The following SYNDIG1 variants were observed in gnomAD, a reference collection of about 807,000 sequenced individuals.
SYNDIG1 encodes the protein synapse differentiation-inducing gene protein 1.
SYNDIG1 carries 9 observed loss-of-function variants against 19.4 expected under a neutral mutation model. That is an observed-to-expected ratio of 0.46 (90% CI 0.28 to 0.81). SYNDIG1 has a LOEUF of 0.81. SYNDIG1 is among the 30% of genes least tolerant of loss of function. The probability of loss-of-function intolerance (pLI) is 0.12; values close to 1 mark genes in which losing one functional copy is unlikely to be tolerated. For synonymous variants in SYNDIG1, 141 were observed against 145.9 expected (o/e 0.97, Z 0.24); for missense variants, 311 against 343.3 (o/e 0.91, Z 0.74).
chr20:24,658,917 C>CCATGTAGA lies in SYNDIG1; in HGVS notation c.619-6427_619-6420dup, dbSNP rs1162397910. ...AGTCACATGAGCCATGCCCCAAGTG[C>CCATGTAGA]CATGTAGACGCAGCAAGTGGCACAG... On this transcript the variant is annotated intron_variant, in intron 3 of 3. Coordinates refer to ENST00000376862, the MANE Select transcript of SYNDIG1 (RefSeq NM_024893.3). The surrounding 1 kb of genome is among the most constrained non-coding windows in gnomAD (Gnocchi z 4.4). Among the ~76,000 whole-genome samples, 1 of 152,174 alleles carries CCATGTAGA rather than the reference C, an allele frequency of 6.6e-6. No individual in the cohort carries two copies. The highest frequency in any genetic ancestry group is 2.4e-5 in the African/African-American group (1 of 41,434).
At chr20:24,496,667 A>G (rs1169373093) in intron 1 of SYNDIG1, among the ~76,000 whole-genome samples, 2 of 152,156 alleles carry the variant, frequency 1.3e-5, no homozygotes, top group Non-Finnish European at 2.9e-5. Context: ...TGAGATGATC[A>G]CTTGGGATAA....
At chr20:24,473,303 C>T (rs1324214051) in intron 1 of SYNDIG1, among the ~76,000 whole-genome samples, 4 of 152,156 alleles carry the variant, frequency 2.6e-5, no homozygotes, top group Admixed American at 6.6e-5. Flanking sequence ...GCTCTTGACC[C>T]GGCATCACTA....
intron 2 of SYNDIG1, among the ~76,000 whole-genome samples, chr20:24,575,039 T>C (rs888470480): frequency 6.6e-6 from 1 of 152,254 alleles, no homozygotes; most frequent in Non-Finnish European, 1.5e-5. Flanking sequence ...AAACCCTGGA[T>C]GTGCTTCCCC....
rs539956437 is a variant in SYNDIG1 at position 24,483,123 on chromosome 20, A to G, written c.-79+13370A>G. Among the ~76,000 whole-genome samples, 5 of 152,338 alleles carry G rather than the reference A, an allele frequency of 3.3e-5. No homozygotes were observed. In the East Asian group the frequency reaches 9.7e-4, roughly 29 times the overall value. ...TCACATTCATACCTGATTTGGGGGA[A>G]GTGGAAAGCCTGGAGCCTCCTAGAA... On this transcript the variant is annotated intron_variant, in intron 1 of 3. Coordinates refer to ENST00000376862, the MANE Select transcript of SYNDIG1 (RefSeq NM_024893.3).
At chr20:24,607,042 T>G (rs1298492625) in intron 3 of SYNDIG1, among the ~76,000 whole-genome samples, 1 of 152,210 alleles carries the variant, frequency 6.6e-6, no homozygotes, top group Non-Finnish European at 1.5e-5. Flanking sequence ...TTGCCATTGA[T>G]GACCTGGTGA....
intron 1 of SYNDIG1, among the ~76,000 whole-genome samples, chr20:24,503,509 C>T (rs1259019089): frequency 6.6e-6 from 1 of 152,102 alleles, no homozygotes; most frequent in African/African-American, 2.4e-5. Flanking sequence ...AGGAGAAGCT[C>T]GTCTACTTTT....
At chr20:24,617,118 G>A (rs1192779809) in intron 3 of SYNDIG1, among the ~76,000 whole-genome samples, 6 of 152,102 alleles carry the variant, frequency 3.9e-5, no homozygotes, top group Non-Finnish European at 5.9e-5. Flanking sequence ...AAATTTACCC[G>A]GTGTGATAGG....
At chr20:24,475,695 G>A (rs1202003772) in intron 1 of SYNDIG1, among the ~76,000 whole-genome samples, 6 of 152,304 alleles carry the variant, frequency 3.9e-5, no homozygotes, top group Non-Finnish European at 8.8e-5. Context: ...ACCCTGCACA[G>A]GGCAGTCCCA....
intron 2 of SYNDIG1, among the ~76,000 whole-genome samples, 181 bp from the exon 3 acceptor site, chr20:24,584,675 G>T (rs1432899864): frequency 2.0e-5 from 3 of 152,182 alleles, no homozygotes; most frequent in Admixed American, 6.5e-5. Flanking sequence ...TGGCCTGGCT[G>T]CCCTTCCTGG....
intron 1 of SYNDIG1, among the ~76,000 whole-genome samples, chr20:24,523,820 C>G (rs1036565280): frequency 8.5e-5 from 13 of 152,174 alleles, no homozygotes; most frequent in Non-Finnish European, 1.8e-4. Flanking sequence ...TGTGCATGCG[C>G]GCTGCCGTTC....
chr20:24,603,082 A>G (rs2058702142), intron 3 of SYNDIG1, among the ~76,000 whole-genome samples: 1 of 152,188 alleles, frequency 6.6e-6, no homozygotes, highest in Non-Finnish European at 1.5e-5. Context: ...AATGCTACAA[A>G]GAGCCACTGG....
chr20:24,607,389 A>ATTTCTTTTC (rs1405176458), intron 3 of SYNDIG1, among the ~76,000 whole-genome samples: 416 of 151,990 alleles, frequency 2.7e-3, no homozygotes, highest in South Asian at 6.6e-3. Flanking sequence ...GAATAAAGAA[A>ATTTCTTTTC]AGAAAGAAAA....
chr20:24,595,787 C>T (rs1000044473), intron 3 of SYNDIG1, among the ~76,000 whole-genome samples: 5 of 152,176 alleles, frequency 3.3e-5, no homozygotes, highest in Middle Eastern at 3.4e-3. Flanking sequence ...TAGAAGAGTT[C>T]GTGGTACTCT....
rs1233866081 is a variant in SYNDIG1, at chr20:24,539,903, T to C, written c.-78-3117T>C. ...AAGAAATTCTTCTGCCTCGGCCTCA[T>C]GAGTAGCTGGGATTACAGGCGCCCA... On this transcript the variant is annotated intron_variant, in intron 1 of 3. Coordinates refer to ENST00000376862, the MANE Select transcript of SYNDIG1 (RefSeq NM_024893.3). 2.0e-5 allele frequency among the ~76,000 whole-genome samples: 3 copies of C among 152,210 alleles called. No homozygotes were observed. In the East Asian group the frequency reaches 5.8e-4, roughly 29 times the overall value.
chr20:24,535,845 G>A (rs2057350384), intron 1 of SYNDIG1, among the ~76,000 whole-genome samples: 1 of 152,230 alleles, frequency 6.6e-6, no homozygotes, highest in South Asian at 2.1e-4. Context: ...GGCTCTATTT[G>A]TCAGGGTTTT....
chr20:24,650,699 T>C (rs149347534), intron 3 of SYNDIG1, among the ~76,000 whole-genome samples: 3 of 152,370 alleles, frequency 2.0e-5, no homozygotes, highest in African/African-American at 4.8e-5. Context: ...TTCTGCAGTA[T>C]GCGTGGAAAT....
chr20:24,518,348 GTC>G (rs1484250257), intron 1 of SYNDIG1, among the ~76,000 whole-genome samples: 1 of 152,102 alleles, frequency 6.6e-6, no homozygotes, highest in Non-Finnish European at 1.5e-5. Context: ...ACTCTTTGCA[GTC>G]TCTACAGGCA....
At chr20:24,518,664 C>T (rs1465875738) in intron 1 of SYNDIG1, among the ~76,000 whole-genome samples, 1 of 152,226 alleles carries the variant, frequency 6.6e-6, no homozygotes, top group Non-Finnish European at 1.5e-5. Flanking sequence ...GGTGGCCCTG[C>T]TCGTGTCCCA....
intron 1 of SYNDIG1, among the ~76,000 whole-genome samples, chr20:24,499,889 G>A (rs2056397909): frequency 6.6e-6 from 1 of 152,180 alleles, no homozygotes; most frequent in African/African-American, 2.4e-5. Flanking sequence ...CCAAGGGAGT[G>A]GGGTAATAGA....
Sources: allele counts gnomAD v4.1 joint callset (sites outside exome capture counted in the v4.1 genomes callset), GRCh38; gene constraint gnomAD v4.1.1; non-coding constraint Gnocchi (gnomAD v3.1); transcripts MANE v1.5; gene names NCBI Gene and HGNC (gene_info 2026-07-23, HGNC 2026-07-21).